The following GLIS3 variants were observed in gnomAD, a reference collection of about 807,000 sequenced individuals.
GLIS3 encodes the protein GLIS family zinc finger 3.
Under a neutral mutation model 78.6 loss-of-function variants are expected in GLIS3, and 53 were observed. That is an observed-to-expected ratio of 0.67 (90% confidence interval 0.54 to 0.85). The LOEUF (loss-of-function observed/expected upper bound fraction) is 0.85, where lower values mean the gene tolerates loss of function less well. Ranked by LOEUF, GLIS3 falls within the 40% of genes least tolerant of loss-of-function variation. GLIS3 has a pLI of 0.00. For missense variants in GLIS3, 1,703 were observed against 1,231.1 expected, an observed-to-expected ratio of 1.38 and a Z score of -5.74; for synonymous variants, 684 against 509.9, an observed-to-expected ratio of 1.34 and a Z score of -4.60.
At chr9:4,372,254 A>C in the GLIS3 span, among the ~76,000 whole-genome samples, 1 of 152,150 alleles carries the variant, frequency 6.6e-6, no homozygotes, top group Non-Finnish European at 1.5e-5. Context: ...GGCTTGGTTT[A>C]ATGCTTTGCT....
At chr9:3,919,039 T>C (rs1824700808) in intron 6 of GLIS3, among the ~76,000 whole-genome samples, 1 of 152,162 alleles carries the variant, frequency 6.6e-6, no homozygotes. Context: ...TGGGGGACAG[T>C]GACCATGTGG....
At chr9:4,082,310 A>T (rs1280011659) in intron 4 of GLIS3, among the ~76,000 whole-genome samples, 1 of 152,246 alleles carries the variant, frequency 6.6e-6, no homozygotes, top group Non-Finnish European at 1.5e-5. Flanking sequence ...TTCAGGCATA[A>T]AAACAAAATC....
At chr9:4,333,744 C>A (rs575647536) in intron 2 of GLIS3, among the ~76,000 whole-genome samples, 22 of 130,834 alleles carry the variant, frequency 1.7e-4, no homozygotes, top group Non-Finnish European at 1.8e-4. Flanking sequence ...TGCCCCCCCC[C>A]ACCCCCCGCA....
chr9:4,465,643 C>A, the GLIS3 span, among the ~76,000 whole-genome samples: 2 of 152,098 alleles, frequency 1.3e-5, no homozygotes, highest in Non-Finnish European at 2.9e-5. Context: ...GATGGATACC[C>A]CATTCCCCAT....
intron 6 of GLIS3, among the ~76,000 whole-genome samples, chr9:3,910,581 AC>A (rs1371016244): frequency 1.3e-5 from 2 of 152,098 alleles, no homozygotes; most frequent in African/African-American, 4.8e-5. Flanking sequence ...AAATTCCTGG[AC>A]TCAAGCAATC....
At chr9:3,841,076 C>A (rs147609283) in intron 9 of GLIS3, among the ~76,000 whole-genome samples, 1 of 152,038 alleles carries the variant, frequency 6.6e-6, no homozygotes, top group African/African-American at 2.4e-5. Flanking sequence ...GGGAAAAAAC[C>A]GAGTGAGAAG....
At chr9:4,262,243 GC>G (rs1825600391) in intron 2 of GLIS3, among the ~76,000 whole-genome samples, 1 of 152,082 alleles carries the variant, frequency 6.6e-6, no homozygotes, top group Non-Finnish European at 1.5e-5. Flanking sequence ...ATTTCTTGAG[GC>G]CCCCAACAAG....
In GLIS3 at chr9:4,099,382, C is replaced by G. The variant is rs1194843908; in HGVS notation, c.1710+18386G>C. Among the ~76,000 whole-genome samples, 3 of 152,186 alleles carry G rather than the reference C, an allele frequency of 2.0e-5. No individual in the cohort carries two copies. The East Asian group carries it at 5.8e-4, about 29-fold the overall frequency. ...CAATCTTTGGCTTGCAGATGCGTCA[C>G]TCCAATCCTTGCCTTCACCTTCACT... On this transcript the variant is annotated intron_variant, in intron 4 of 10. Coordinates refer to ENST00000381971, the MANE Select transcript of GLIS3 (RefSeq NM_001042413.2).
intron 6 of GLIS3, among the ~76,000 whole-genome samples, chr9:3,917,835 T>C (rs529093474): frequency 2.0e-5 from 3 of 152,250 alleles, no homozygotes; most frequent in Middle Eastern, 3.4e-3. Flanking sequence ...TGAACCCACA[T>C]TGACATATAA....
At chr9:4,146,175 C>T (rs1834208325) in intron 2 of GLIS3, among the ~76,000 whole-genome samples, 1 of 152,130 alleles carries the variant, frequency 6.6e-6, no homozygotes, top group African/African-American at 2.4e-5. Flanking sequence ...GAGGAAAGTG[C>T]ACTTTCATGA....
chr9:3,933,575 C>T (rs1825739084), intron 5 of GLIS3, among the ~76,000 whole-genome samples: 1 of 152,180 alleles, frequency 6.6e-6, no homozygotes, highest in African/African-American at 2.4e-5. Flanking sequence ...TTAATAGTAG[C>T]TGATATGCTT....
the GLIS3 span, among the ~76,000 whole-genome samples, chr9:4,425,528 G>C: frequency 1.3e-5 from 2 of 152,230 alleles, no homozygotes; most frequent in Non-Finnish European, 2.9e-5. Flanking sequence ...TTTTCTCATA[G>C]GCTTTGCCCA....
chr9:4,466,671 A>C, the GLIS3 span, among the ~76,000 whole-genome samples: 1 of 152,242 alleles, frequency 6.6e-6, no homozygotes, highest in African/African-American at 2.4e-5. Context: ...TGGAGGTTCC[A>C]AGATGGCTGA....
chr9:4,482,382 T>C, the GLIS3 span, among the ~76,000 whole-genome samples: 4 of 152,200 alleles, frequency 2.6e-5, no homozygotes, highest in African/African-American at 9.7e-5. Context: ...TCTTCTTCAA[T>C]TTATAGTTCC....
At chr9:4,327,863 G>C (rs184580531) in intron 2 of GLIS3, among the ~76,000 whole-genome samples, 291 of 152,348 alleles carry the variant, frequency 1.9e-3, no homozygotes, top group African/African-American at 6.7e-3. Context: ...TCAGTGACCG[G>C]TGTAGCAGAA....
At chr9:4,008,536 G>C (rs547022188) in intron 4 of GLIS3, among the ~76,000 whole-genome samples, 2 of 152,270 alleles carry the variant, frequency 1.3e-5, no homozygotes, top group East Asian at 1.9e-4. Flanking sequence ...ATACCTCCAG[G>C]TGTTCCCTTA....
At chr9:3,988,319 T>A (rs1008455325) in intron 4 of GLIS3, among the ~76,000 whole-genome samples, 1 of 152,042 alleles carries the variant, frequency 6.6e-6, no homozygotes, top group African/African-American at 2.4e-5. Context: ...AAAGAAGGAA[T>A]CCTGGCACAT....
intron 1 of GLIS3, among the ~76,000 whole-genome samples, chr9:4,347,766 T>A (rs116559227): frequency 0.022 from 3,318 of 152,176 alleles, 120 homozygotes; most frequent in African/African-American, 0.075. Context: ...GGGGAGTCTA[T>A]CGCTTTACAA....
chr9:4,096,274 A>G (rs1829940559), intron 4 of GLIS3, among the ~76,000 whole-genome samples: 1 of 152,144 alleles, frequency 6.6e-6, no homozygotes, highest in African/African-American at 2.4e-5. Context: ...ACTAAGGTAA[A>G]TTTGGGTGTT....
Sources: allele counts gnomAD v4.1 joint callset (sites outside exome capture counted in the v4.1 genomes callset), GRCh38; gene constraint gnomAD v4.1.1; transcripts MANE v1.5; gene names NCBI Gene and HGNC (gene_info 2026-07-23, HGNC 2026-07-21).